The following NOS1AP variants were observed in gnomAD, a reference collection of about 807,000 sequenced individuals.
NOS1AP encodes carboxyl-terminal PDZ ligand of neuronal nitric oxide synthase protein.
Under a neutral mutation model 56.2 loss-of-function variants are expected in NOS1AP, and 21 were observed. The ratio of observed to expected loss-of-function variants is 0.37; its 90% CI spans 0.26 to 0.54. The LOEUF (loss-of-function observed/expected upper bound fraction) is 0.54. Among genes scored for constraint, NOS1AP ranks in the 20% least tolerant of loss-of-function variants. The pLI is 0.84. For missense variants in NOS1AP, 522 were observed against 657.8 expected (o/e 0.79, Z 2.26); for synonymous variants, 270 against 274.6 (o/e 0.98, Z 0.17).
At chr1:162,334,447 GC>G (rs1460127036) in intron 5 of NOS1AP, among the ~76,000 whole-genome samples, 2 of 152,212 alleles carry the variant, frequency 1.3e-5, no homozygotes, top group African/African-American at 4.8e-5. Context: ...AAAAAGAAAA[GC>G]CATAGGCGCT....
At chr1:162,177,392 C>A (rs890362466) in intron 2 of NOS1AP, among the ~76,000 whole-genome samples, 1 of 152,132 alleles carries the variant, frequency 6.6e-6, no homozygotes, top group Non-Finnish European at 1.5e-5. Flanking sequence ...GAGAGGCCGG[C>A]CCACGCATGG....
At chr1:162,153,364 A>C (rs1299130257) in intron 1 of NOS1AP, among the ~76,000 whole-genome samples, 1 of 152,160 alleles carries the variant, frequency 6.6e-6, no homozygotes, top group African/African-American at 2.4e-5. Context: ...CCTGACCTCA[A>C]GTGGTCTCCT....
At chr1:162,267,177 T>A (rs911510708) in intron 2 of NOS1AP, among the ~76,000 whole-genome samples, 1 of 152,188 alleles carries the variant, frequency 6.6e-6, no homozygotes, top group Non-Finnish European at 1.5e-5. Context: ...AACTAGCAGA[T>A]AGATCAAAGA....
In NOS1AP at chr1:162,070,164, C is replaced by G. The variant is rs745877151; in HGVS notation, c.-14C>G. 1.9e-6 allele frequency: 3 copies of G among 1,610,114 alleles called. No homozygotes were observed. The highest frequency in any genetic ancestry group is 1.7e-6 in the Non-Finnish European group (2 of 1,176,628). On this transcript the variant is annotated 5_prime_UTR_variant, in exon 1 of 10. Coordinates refer to ENST00000361897, the MANE Select transcript of NOS1AP (RefSeq NM_014697.3). ...GCCGCCGCCTCCGAAGGAGCGGGTC[C>G]GCCGCGGGTAACCATGCCTAGCAAA... is the stretch of plus-strand genomic sequence containing the variant.
Position 162,355,314 on chromosome 1 carries a change from T to G in NOS1AP, c.723T>G (p.Asp241Glu). ...LEFSRGVTDL[D>E]AVGKEGGSHT... Reference sequence around the variant, plus strand: ...TCAGCCGAGGTGTGACTGATCTAGATGCTGTAGGGAAGGAAGGAGGCTCTC... The same window carrying G: ...TCAGCCGAGGTGTGACTGATCTAGAGGCTGTAGGGAAGGAAGGAGGCTCTC... The change falls in exon 7 of 10, where the codon GAT (aspartate) becomes GAG (glutamate). Residue 241 changes from aspartate (D) to glutamate (E), a missense_variant. Physicochemically the swap from Asp to Glu is conservative, Grantham distance 45 (BLOSUM62 2). Around this residue, in one of 4 missense-constraint regions of NOS1AP, gnomAD observed 178 missense variants for 165.0 expected, o/e 1.08. Coordinates refer to ENST00000361897, the MANE Select transcript of NOS1AP (RefSeq NM_014697.3). 6.2e-7 allele frequency: 1 copy of G among 1,614,064 alleles called. No individual in the cohort carries two copies. The highest frequency in any genetic ancestry group is 8.5e-7 in the Non-Finnish European group (1 of 1,180,018).
In NOS1AP at chr1:162,287,345, A is replaced by T. The variant is rs1373344682; in HGVS notation, c.179A>T (p.Tyr60Phe). The change falls in exon 3 of 10, where the codon TAT becomes TTT. Residue 60 changes from tyrosine (Y) to phenylalanine (F), a missense_variant and splice_region_variant. Transcript: ENST00000361897. ...EIVAAMRRIR[Y>F]EFKAKNIKKK... ...TTTTTGTTTTCTTCTTTCTTGCAGT[A>T]TGAGTTTAAAGCCAAGAACATCAAG... The T allele has an allele frequency of 1.2e-6, 2 of 1,604,596 alleles. No individual in the cohort carries two copies. The highest frequency in any genetic ancestry group is 2.2e-5 in the South Asian group (2 of 90,868).
At chr1:162,093,417 G>A (rs1022707879) in intron 1 of NOS1AP, among the ~76,000 whole-genome samples, 1 of 152,116 alleles carries the variant, frequency 6.6e-6, no homozygotes, top group African/African-American at 2.4e-5. Flanking sequence ...GAATTATTTT[G>A]GTAACAGGTG....
intron 2 of NOS1AP, among the ~76,000 whole-genome samples, chr1:162,279,309 A>G (rs890448921): frequency 6.6e-6 from 1 of 152,152 alleles, no homozygotes; most frequent in Non-Finnish European, 1.5e-5. Flanking sequence ...TCTCCTCTCT[A>G]CAGGGAGCAA....
At chr1:162,076,714 A>G (rs2102010842) in intron 1 of NOS1AP, among the ~76,000 whole-genome samples, 1 of 152,248 alleles carries the variant, frequency 6.6e-6, no homozygotes, top group East Asian at 1.9e-4. Flanking sequence ...AAAAATACAA[A>G]ATTAGCTGGG....
chr1:162,221,520 GCA>G (rs1295505482), intron 2 of NOS1AP, among the ~76,000 whole-genome samples: 12 of 100,836 alleles, frequency 1.2e-4, no homozygotes, highest in African/African-American at 4.0e-4. Flanking sequence ...ACACACACAC[GCA>G]CACACACGCG....
At chr1:162,134,484 C>CT (rs140148417) in intron 1 of NOS1AP, among the ~76,000 whole-genome samples, 59,553 of 90,618 alleles carry the variant, frequency 0.66, 16,380 homozygotes, top group Non-Finnish European at 0.7. Flanking sequence ...GAGACTTTGT[C>CT]TAAAAAAAAA....
At chr1:162,243,201 G>T (rs11582778) in intron 2 of NOS1AP, among the ~76,000 whole-genome samples, 64,669 of 151,940 alleles carry the variant, frequency 0.43, 15,593 homozygotes, top group Non-Finnish European at 0.56. Context: ...TAGCCGAGAG[G>T]GGACAAGGGG....
chr1:162,215,904 A>G (rs2101651789), intron 2 of NOS1AP, among the ~76,000 whole-genome samples: 1 of 152,328 alleles, frequency 6.6e-6, no homozygotes, highest in South Asian at 2.1e-4. Flanking sequence ...ATTTTGGAGA[A>G]TTTCCATCAG....
chr1:162,287,140 A>G, intron 2 of NOS1AP, among the ~76,000 whole-genome samples: 1 of 152,256 alleles, frequency 6.6e-6, no homozygotes, highest in South Asian at 2.1e-4. Flanking sequence ...GAAGTGGTAT[A>G]GACTATTCAG....
At chr1:162,308,701 A>G (rs1391401586) in intron 4 of NOS1AP, among the ~76,000 whole-genome samples, 2 of 152,220 alleles carry the variant, frequency 1.3e-5, no homozygotes, top group African/African-American at 4.8e-5. Context: ...GCTTAAAGGA[A>G]TTCCGTCCAT....
chr1:162,218,202 A>C (rs4397640), intron 2 of NOS1AP, among the ~76,000 whole-genome samples: 6,387 of 152,276 alleles, frequency 0.042, 180 homozygotes, highest in Middle Eastern at 0.082. Context: ...TCCGGGACTT[A>C]AAAAATTTGA....
intron 1 of NOS1AP, among the ~76,000 whole-genome samples, chr1:162,083,890 G>T (rs1275746856): frequency 6.6e-6 from 1 of 152,170 alleles, no homozygotes; most frequent in Non-Finnish European, 1.5e-5. Context: ...TTCAGTTTGA[G>T]ACCCACGGCA....
At position 162,370,257 on chromosome 1, in the gene NOS1AP, C is replaced by A. The variant is rs1172346704; in HGVS notation, c.*2790C>A. The A allele has an allele frequency of 6.6e-6, 1 of 152,200 alleles. No homozygotes were observed. The highest frequency in any genetic ancestry group is 1.5e-5 in the Non-Finnish European group (1 of 68,050). The allele number at this position is 152,200 out of a possible 1,614,324, so 9.4% of individuals were successfully genotyped here. A position where few individuals can be genotyped will look rare whatever the true frequency, so the allele number is the denominator to read the frequency against. ...CTCTTCCTAGCCTCATTTCTCTCAA[C>A]TGATCTTGTTTAGGCGTTGTATTCC... On this transcript the variant is annotated 3_prime_UTR_variant, in exon 10 of 10. Coordinates refer to ENST00000361897, the MANE Select transcript of NOS1AP (RefSeq NM_014697.3).
At chr1:162,317,195 C>T (rs548966292) in intron 4 of NOS1AP, 1 of 152,234 alleles carries the variant, frequency 6.6e-6, no homozygotes, top group Non-Finnish European at 1.5e-5. Context: ...CTCCCATCAG[C>T]ACATAATTAA....
Sources: gnomAD v4.1 joint callset for allele counts (sites outside exome capture counted in the v4.1 genomes callset) on GRCh38, gnomAD v4.1.1 for gene constraint, gnomAD v4.1.1 regional missense constraint, MANE v1.5 for transcripts, NCBI Gene and HGNC (gene_info 2026-07-23, HGNC 2026-07-21) for gene names.